MAGI1: variants seen among roughly 807,000 people sequenced by gnomAD.
MAGI1 encodes the protein membrane associated guanylate kinase, WW and PDZ domain containing 1, also known as membrane-associated guanylate kinase, WW and PDZ domain-containing protein 1.
Under a neutral mutation model 139.9 loss-of-function variants are expected in MAGI1, and 58 were observed. That is an observed-to-expected ratio of 0.41 (90% CI 0.34 to 0.52). The LOEUF (loss-of-function observed/expected upper bound fraction) is 0.52, where lower values mean the gene tolerates loss of function less well. Ranked by LOEUF, MAGI1 falls within the 20% of genes least tolerant of loss-of-function variation. MAGI1 has a pLI of 0.12. For synonymous variants in MAGI1, 812 were observed against 737.9 expected (o/e 1.10, Z -1.63); for missense variants, 1,874 against 1,901.6 (o/e 0.99, Z 0.27).
intron 2 of MAGI1, among the ~76,000 whole-genome samples, chr3:65,579,408 T>C (rs746343963): frequency 6.6e-6 from 1 of 152,178 alleles, no homozygotes; most frequent in Non-Finnish European, 1.5e-5. Flanking sequence ...TGATTACCCA[T>C]GCCCTATGAC....
At chr3:66,014,210 A>G (rs2067498935) in intron 1 of MAGI1, among the ~76,000 whole-genome samples, 1 of 152,212 alleles carries the variant, frequency 6.6e-6, no homozygotes, top group Non-Finnish European at 1.5e-5. Flanking sequence ...CCAGAACAAC[A>G]GGTGTAAACC....
chr3:65,629,049 A>G (rs914693638), intron 1 of MAGI1, among the ~76,000 whole-genome samples: 130 of 152,148 alleles, frequency 8.5e-4, no homozygotes, highest in Non-Finnish European at 2.2e-4. Context: ...ATGATCCCCT[A>G]ATATAACTAA....
chr3:65,490,125 G>A (rs962745517), intron 3 of MAGI1, among the ~76,000 whole-genome samples: 23 of 152,196 alleles, frequency 1.5e-4, no homozygotes, highest in African/African-American at 4.8e-4. Context: ...AACTAGGTGC[G>A]TGTAAATACA....
At chr3:65,453,920 C>A (rs533962906) in intron 5 of MAGI1, among the ~76,000 whole-genome samples, 1 of 152,280 alleles carries the variant, frequency 6.6e-6, no homozygotes, top group South Asian at 2.1e-4. Context: ...TAAATAGAAT[C>A]TGGACCAAGG....
chr3:65,597,214 TCTC>T (rs772839995), intron 2 of MAGI1, among the ~76,000 whole-genome samples: 1 of 150,938 alleles, frequency 6.6e-6, no homozygotes, highest in East Asian at 2.0e-4. Context: ...CAGGCTTTCA[TCTC>T]CTCCTTTACC....
intron 4 of MAGI1, 27 bp from the exon 5 acceptor site, chr3:65,470,511 G>C: frequency 1.3e-5 from 18 of 1,380,506 alleles, no homozygotes; most frequent in Admixed American, 2.3e-5. Flanking sequence ...AGAGGTGAGA[G>C]AGAGAGAGAG....
chr3:65,985,299 C>G (rs1259950051), intron 1 of MAGI1, among the ~76,000 whole-genome samples: 2 of 152,198 alleles, frequency 1.3e-5, no homozygotes, highest in African/African-American at 4.8e-5. Flanking sequence ...AAGCTGACAC[C>G]TTGTTCATGA....
chr3:65,969,988 CT>C (rs2064945767), intron 1 of MAGI1, among the ~76,000 whole-genome samples: 1 of 152,070 alleles, frequency 6.6e-6, no homozygotes, highest in African/African-American at 2.4e-5. Context: ...TAGGATTGGG[CT>C]CAGGGTCTTG....
At chr3:65,799,471 AGAGTCTCTATCTGCTGATGAAGAAG>A (rs1470744473) in intron 1 of MAGI1, among the ~76,000 whole-genome samples, 19 of 152,326 alleles carry the variant, frequency 1.2e-4, no homozygotes, top group African/African-American at 4.3e-4. Context: ...AAATTACTGG[AGAGTCTCTATCTGCTGATGAAGAAG>A]CAGCTGTCAC....
In MAGI1 at chr3:65,356,915, C is replaced by T. The variant is rs1401397513; in HGVS notation, c.3852G>A (p.Gly1284=). The change falls in exon 23 of 23, where the codon GGG becomes GGA. Residue 1284 remains glycine (G), a synonymous_variant. Transcript: ENST00000402939. ...CCCCGCTGTCGGGTTTCCTCGAAGTCCCATTCCAGGTGTGGTGTTCATTGG... is the reference window on the plus strand; with the variant it reads ...CCCCGCTGTCGGGTTTCCTCGAAGTTCCATTCCAGGTGTGGTGTTCATTGG... ...RQPNEHHTWN[G]TSRKPDSGAC... 1 of 1,614,184 alleles carries T rather than the reference C, an allele frequency of 6.2e-7. No homozygotes were observed. The highest frequency in any genetic ancestry group is 1.3e-5 in the African/African-American group (1 of 75,064).
chr3:65,852,106 C>T (rs1458664680), intron 1 of MAGI1, among the ~76,000 whole-genome samples: 1 of 152,176 alleles, frequency 6.6e-6, no homozygotes, highest in Non-Finnish European at 1.5e-5. Context: ...AGGAAGATAT[C>T]TGGTAGGGCT....
intron 2 of MAGI1, chr3:65,619,997 T>C (rs1022374401): frequency 2.0e-6 from 2 of 985,198 alleles, no homozygotes; most frequent in African/African-American, 3.5e-5. Context: ...ACAGAGTTCG[T>C]TTTTGCCCCA....
chr3:65,898,924 A>G (rs2061099254), intron 1 of MAGI1, among the ~76,000 whole-genome samples: 1 of 152,130 alleles, frequency 6.6e-6, no homozygotes, highest in Non-Finnish European at 1.5e-5. Flanking sequence ...AGAAAATTTA[A>G]AAAAATTTTT....
At chr3:65,758,543 A>G (rs759932666) in intron 1 of MAGI1, among the ~76,000 whole-genome samples, 13 of 152,104 alleles carry the variant, frequency 8.5e-5, no homozygotes, top group Non-Finnish European at 8.8e-5. Context: ...AATTTCCAAT[A>G]TATATTCCCA....
chr3:65,888,549 T>C (rs2060619449), intron 1 of MAGI1, among the ~76,000 whole-genome samples: 1 of 152,154 alleles, frequency 6.6e-6, no homozygotes, highest in Non-Finnish European at 1.5e-5. Flanking sequence ...GTAAATGGGA[T>C]AAAATTTTTA....
chr3:65,874,419 A>T (rs1160210311), intron 1 of MAGI1: 1 of 152,244 alleles, frequency 6.6e-6, no homozygotes, highest in Non-Finnish European at 1.5e-5. Context: ...CTGTTACTCA[A>T]TAATAAAAGA....
At chr3:65,781,498 G>A (rs1357508234) in intron 1 of MAGI1, among the ~76,000 whole-genome samples, 1 of 152,048 alleles carries the variant, frequency 6.6e-6, no homozygotes, top group Non-Finnish European at 1.5e-5. Flanking sequence ...CGTACGTGGT[G>A]GTTTGCTGCA....
At chr3:65,396,121 A>C (rs139381249) in intron 13 of MAGI1, among the ~76,000 whole-genome samples, 55 of 152,292 alleles carry the variant, frequency 3.6e-4, no homozygotes, top group Middle Eastern at 3.4e-3. Context: ...AAGGGAGGTG[A>C]AGAGGATCAC....
chr3:65,864,423 G>A (rs752787174), intron 1 of MAGI1, among the ~76,000 whole-genome samples: 1 of 152,200 alleles, frequency 6.6e-6, no homozygotes, highest in East Asian at 1.9e-4. Flanking sequence ...AACATGTGGA[G>A]GAAGTGGCCT....
Sources: allele counts gnomAD v4.1 joint callset (sites outside exome capture counted in the v4.1 genomes callset), GRCh38; gene constraint gnomAD v4.1.1; transcripts MANE v1.5; gene names NCBI Gene and HGNC (gene_info 2026-07-23, HGNC 2026-07-21).